The following ADAMTS16 variants were observed in gnomAD, a reference collection of about 807,000 sequenced individuals.
ADAMTS16 encodes ADAM metallopeptidase with thrombospondin type 1 motif 16.
In ADAMTS16, 94 loss-of-function variants were observed where a neutral mutation model predicts 145.8. The ratio of observed to expected loss-of-function variants is 0.64; its 90% CI spans 0.55 to 0.77. ADAMTS16 has a LOEUF of 0.77. Among genes scored for constraint, ADAMTS16 ranks in the 30% least tolerant of loss-of-function variants. The probability of loss-of-function intolerance (pLI) is 0.00; values close to 1 mark genes in which losing one functional copy is unlikely to be tolerated. For synonymous variants in ADAMTS16, 659 were observed against 604.3 expected (o/e 1.09, Z -1.33); for missense variants, 1,585 against 1,591.5 (o/e 1.00, Z 0.07).
At position 5,306,540 on chromosome 5, in the gene ADAMTS16, T is replaced by G. The variant is rs1299607685; in HGVS notation, c.3223T>G (p.Phe1075Val). ...VTCERGTQKRFLKCAEKYVSG... is the reference protein window; with the variant it reads ...VTCERGTQKRVLKCAEKYVSG... Reference sequence around the variant, plus strand: ...ATGTGAAAGAGGAACACAGAAAAGATTCTTAAAATGTGCTGAAAAGTATGT... The same window carrying G: ...ATGTGAAAGAGGAACACAGAAAAGAGTCTTAAAATGTGCTGAAAAGTATGT... Residue 1075 changes from phenylalanine to valine, a missense_variant, in exon 21 of 23, where the codon TTC becomes GTC. Transcript: ENST00000274181. 1.2e-6 allele frequency: 2 copies of G among 1,614,094 alleles called. No homozygotes were observed. Among genetic ancestry groups the G allele is most frequent in the Non-Finnish European group, 1.7e-6 (2 of 1,179,940 alleles).
At chr5:5,197,240 G>A (rs1318014912) in intron 8 of ADAMTS16, among the ~76,000 whole-genome samples, 1 of 152,178 alleles carries the variant, frequency 6.6e-6, no homozygotes, top group Non-Finnish European at 1.5e-5. Context: ...TGGTTATTCA[G>A]CATTCTCAGT....
intron 8 of ADAMTS16, among the ~76,000 whole-genome samples, chr5:5,196,499 G>A (rs1383188400): frequency 1.3e-5 from 2 of 152,114 alleles, no homozygotes; most frequent in Admixed American, 1.3e-4. Context: ...TCTGGACTGG[G>A]GATTGTCAGG....
intron 18 of ADAMTS16, among the ~76,000 whole-genome samples, chr5:5,287,596 T>A (rs1033697060): frequency 1.3e-5 from 2 of 152,168 alleles, no homozygotes; most frequent in African/African-American, 4.8e-5. Context: ...TTGGATCCAA[T>A]GATGTGACCA....
At chr5:5,169,926 A>C (rs1006865165) in intron 3 of ADAMTS16, among the ~76,000 whole-genome samples, 1 of 152,190 alleles carries the variant, frequency 6.6e-6, no homozygotes, top group Non-Finnish European at 1.5e-5. Context: ...TCATCTCTAA[A>C]TATTGGGTCA....
intron 3 of ADAMTS16, among the ~76,000 whole-genome samples, chr5:5,147,436 T>A (rs185741982): frequency 5.3e-5 from 8 of 152,344 alleles, no homozygotes; most frequent in African/African-American, 1.9e-4. Flanking sequence ...AGATTTTGTG[T>A]GTGTGAATTT....
At chr5:5,241,126 G>C (rs2126389480) in intron 16 of ADAMTS16, among the ~76,000 whole-genome samples, 1 of 150,842 alleles carries the variant, frequency 6.6e-6, no homozygotes, top group South Asian at 2.2e-4. Context: ...CAAGCAGAGG[G>C]TGGAGCATGG....
intron 18 of ADAMTS16, among the ~76,000 whole-genome samples, chr5:5,283,114 T>C (rs1217806960): frequency 2.0e-5 from 3 of 152,152 alleles, no homozygotes; most frequent in African/African-American, 7.2e-5. Flanking sequence ...TGTGTATATC[T>C]CTTATTTACC....
chr5:5,186,471 A>G (rs1579296638), intron 5 of ADAMTS16, among the ~76,000 whole-genome samples: 1 of 139,712 alleles, frequency 7.2e-6, no homozygotes, highest in African/African-American at 2.6e-5. Flanking sequence ...AGTAGGAAAA[A>G]TCATTTGACC....
chr5:5,223,490 G>C (rs1159734590), intron 11 of ADAMTS16: 1 of 152,562 alleles, frequency 6.6e-6, no homozygotes, highest in Non-Finnish European at 1.5e-5. Context: ...GACTACTTAA[G>C]GGGGGATGGT....
intron 21 of ADAMTS16, among the ~76,000 whole-genome samples, chr5:5,315,710 C>A (rs115240668): frequency 0.013 from 1,936 of 152,260 alleles, 13 homozygotes; most frequent in Middle Eastern, 0.02. Context: ...AGAAAAAAGG[C>A]AGAAATGTGG....
At chr5:5,295,744 A>C (rs1345743454) in intron 18 of ADAMTS16, among the ~76,000 whole-genome samples, 1 of 152,268 alleles carries the variant, frequency 6.6e-6, no homozygotes, top group African/African-American at 2.4e-5. Context: ...GTAGAGAGCC[A>C]CTAGGACAGA....
chr5:5,308,231 A>G (rs75681247), intron 21 of ADAMTS16, among the ~76,000 whole-genome samples: 5,485 of 152,240 alleles, frequency 0.036, 127 homozygotes, highest in Non-Finnish European at 0.053. Flanking sequence ...TGTCATTCAG[A>G]AAAACTTTCA....
chr5:5,283,791 C>T (rs1167099278), intron 18 of ADAMTS16, among the ~76,000 whole-genome samples: 1 of 152,176 alleles, frequency 6.6e-6, no homozygotes, highest in Non-Finnish European at 1.5e-5. Context: ...GAAAAGTGCA[C>T]CTCAATCTAT....
intron 9 of ADAMTS16, among the ~76,000 whole-genome samples, chr5:5,201,901 G>A (rs1735969376): frequency 6.6e-6 from 1 of 152,030 alleles, no homozygotes; most frequent in Admixed American, 6.6e-5. Context: ...TTACTTCTTT[G>A]TGTCCTACCT....
In ADAMTS16 at chr5:5,239,634, T is replaced by C. The variant is rs751988630; in HGVS notation, c.2279-47T>C. The stretch of plus-strand genomic sequence containing the variant: ...TGGGGTTGCTTAGAGATTTTGCCCC[T>C]GCTTTCTGGAATGAAAAGCTGTATC... On this transcript the variant is annotated intron_variant, in intron 15 of 22. Coordinates refer to ENST00000274181, the MANE Select transcript of ADAMTS16 (RefSeq NM_139056.4). The C allele has an allele frequency of 1.2e-5, 20 of 1,603,194 alleles. No individual in the cohort carries two copies. The East Asian group carries it at 4.5e-4, about 36-fold the overall frequency.
chr5:5,186,859 T>A (rs1735516721), intron 5 of ADAMTS16, among the ~76,000 whole-genome samples: 6 of 152,162 alleles, frequency 3.9e-5, no homozygotes, highest in Non-Finnish European at 8.8e-5. Context: ...CCAAAGTGTG[T>A]TTTTAAGAAT....
chr5:5,280,945 C>T (rs1273196174), intron 18 of ADAMTS16, among the ~76,000 whole-genome samples: 2 of 152,234 alleles, frequency 1.3e-5, no homozygotes, highest in African/African-American at 4.8e-5. Context: ...GCTGTTTGCT[C>T]TACCCTATCT....
intron 8 of ADAMTS16, among the ~76,000 whole-genome samples, chr5:5,198,289 A>G (rs939181168): frequency 6.6e-6 from 1 of 152,158 alleles, no homozygotes; most frequent in African/African-American, 2.4e-5. Flanking sequence ...CAGCCATGAC[A>G]CATTTCCTCT....
At chr5:5,243,212 C>T (rs1172147266) in intron 17 of ADAMTS16, among the ~76,000 whole-genome samples, 1 of 152,164 alleles carries the variant, frequency 6.6e-6, no homozygotes, top group African/African-American at 2.4e-5. Flanking sequence ...GTTCATTCTT[C>T]CCAGTATGAA....
Sources: gnomAD v4.1 joint callset for allele counts (sites outside exome capture counted in the v4.1 genomes callset) on GRCh38, gnomAD v4.1.1 for gene constraint, MANE v1.5 for transcripts, NCBI Gene and HGNC (gene_info 2026-07-23, HGNC 2026-07-21) for gene names.